The following MAGI2 variants were observed in gnomAD, a reference collection of about 807,000 sequenced individuals.
MAGI2 encodes the protein membrane-associated guanylate kinase, WW and PDZ domain-containing protein 2.
A neutral mutation model predicts 133.3 loss-of-function variants in MAGI2; 35 were observed. The observed-to-expected ratio is 0.26, with a 90% CI of 0.20 to 0.35. The LOEUF is 0.35. Ranked by LOEUF, MAGI2 falls within the 10% of genes least tolerant of loss-of-function variation. The probability of loss-of-function intolerance (pLI) is 1.00; values close to 1 mark genes in which losing one functional copy is unlikely to be tolerated. For missense variants in MAGI2, 1,636 were observed against 1,863.4 expected (o/e 0.88, Z 2.25); for synonymous variants, 729 against 710.6 (o/e 1.03, Z -0.41).
intron 1 of MAGI2, among the ~76,000 whole-genome samples, chr7:79,080,779 A>C (rs1180410696): frequency 1.3e-5 from 2 of 151,920 alleles, no homozygotes; most frequent in Non-Finnish European, 2.9e-5. Flanking sequence ...AGTCCTTTTG[A>C]TTTTCTCCTA....
chr7:78,803,147 C>G (rs1788219518), intron 2 of MAGI2, among the ~76,000 whole-genome samples: 1 of 152,018 alleles, frequency 6.6e-6, no homozygotes. Context: ...AAAATATGTT[C>G]TCCTTTTGTC....
chr7:78,320,537 A>G (rs904233053), intron 9 of MAGI2, among the ~76,000 whole-genome samples: 2 of 152,234 alleles, frequency 1.3e-5, no homozygotes, highest in Non-Finnish European at 2.9e-5. Context: ...GATTATCTCA[A>G]TAGATGCAGA....
At chr7:78,299,141 T>A (rs1797605656) in intron 9 of MAGI2, among the ~76,000 whole-genome samples, 1 of 152,144 alleles carries the variant, frequency 6.6e-6, no homozygotes, top group Non-Finnish European at 1.5e-5. Flanking sequence ...AATAAAAAGT[T>A]AATTTTTAAA....
intron 1 of MAGI2, among the ~76,000 whole-genome samples, chr7:79,436,536 G>T (rs1380041389): frequency 2.0e-5 from 3 of 152,018 alleles, no homozygotes; most frequent in South Asian, 4.2e-4. Context: ...TTAAAAACTG[G>T]GCAAAGGACA....
intron 2 of MAGI2, among the ~76,000 whole-genome samples, chr7:78,666,536 A>G (rs1490823638): frequency 6.6e-6 from 1 of 152,178 alleles, no homozygotes; most frequent in Non-Finnish European, 1.5e-5. Context: ...TAGCCATTAT[A>G]TTGGTGCTAG....
intron 1 of MAGI2, among the ~76,000 whole-genome samples, chr7:79,315,363 C>T (rs192241267): frequency 2.0e-3 from 278 of 137,770 alleles, no homozygotes; most frequent in African/African-American, 7.0e-3. Context: ...TTAGTAGAGA[C>T]GGGGTTTCAC....
chr7:79,228,370 A>AAAAAAAAAAAAAAAAAAAAAAAAAAC (rs1491129211), intron 1 of MAGI2, among the ~76,000 whole-genome samples: 3 of 147,256 alleles, frequency 2.0e-5, no homozygotes, highest in Non-Finnish European at 3.0e-5. Flanking sequence ...AAAAAAAAAA[A>AAAAAAAAAAAAAAAAAAAAAAAAAAC]GATCGTGGGA....
chr7:78,792,188 G>A (rs1787215940), intron 2 of MAGI2, among the ~76,000 whole-genome samples: 1 of 152,126 alleles, frequency 6.6e-6, no homozygotes, highest in Non-Finnish European at 1.5e-5. Flanking sequence ...CCTGCTGGCT[G>A]TGTAACTTTC....
At chr7:78,789,667 C>T (rs1325183544) in intron 2 of MAGI2, among the ~76,000 whole-genome samples, 1 of 152,076 alleles carries the variant, frequency 6.6e-6, no homozygotes, top group East Asian at 1.9e-4. Flanking sequence ...TATCTATTGC[C>T]TCAAGTATTT....
At chr7:78,451,739 G>A (rs1408554919) in intron 6 of MAGI2, among the ~76,000 whole-genome samples, 1 of 152,104 alleles carries the variant, frequency 6.6e-6, no homozygotes, top group Non-Finnish European at 1.5e-5. Flanking sequence ...AGTACTACAT[G>A]ACTGGGCACT....
chr7:78,027,646 A>G (rs1020069275), intron 21 of MAGI2, among the ~76,000 whole-genome samples: 2 of 146,560 alleles, frequency 1.4e-5, no homozygotes, highest in Non-Finnish European at 1.5e-5. Context: ...AAAAAAAAGA[A>G]AGAAAAAGAA....
chr7:78,888,005 C>T (rs942804514), intron 2 of MAGI2, among the ~76,000 whole-genome samples: 1 of 152,178 alleles, frequency 6.6e-6, no homozygotes, highest in African/African-American at 2.4e-5. Context: ...ACAGATGGCA[C>T]CTGGAAAATT....
intron 2 of MAGI2, among the ~76,000 whole-genome samples, chr7:78,892,085 G>C (rs942680567): frequency 6.6e-6 from 1 of 151,856 alleles, no homozygotes; most frequent in African/African-American, 2.4e-5. Context: ...TACACCAATA[G>C]CAGACAAACA....
intron 1 of MAGI2, among the ~76,000 whole-genome samples, chr7:79,171,770 A>ATTTTTTTTTTTTTT (rs144599296): frequency 1.9e-4 from 6 of 31,202 alleles, no homozygotes; most frequent in African/African-American, 2.6e-4. Flanking sequence ...ATATATATAT[A>ATTTTTTTTTTTTTT]TTTTTTTTTT....
chr7:78,144,162 C>G (rs1823050301), intron 16 of MAGI2, among the ~76,000 whole-genome samples: 1 of 152,106 alleles, frequency 6.6e-6, no homozygotes, highest in South Asian at 2.1e-4. Context: ...TATGTGTGAA[C>G]TTAAATAAAT....
intron 10 of MAGI2, among the ~76,000 whole-genome samples, chr7:78,223,139 G>C (rs909660291): frequency 4.6e-5 from 7 of 152,104 alleles, no homozygotes; most frequent in Non-Finnish European, 1.0e-4. Flanking sequence ...CTAGGTGTGC[G>C]GGTATCACAC....
chr7:79,383,238 C>G, intron 1 of MAGI2, among the ~76,000 whole-genome samples: 1 of 151,474 alleles, frequency 6.6e-6, no homozygotes, highest in Non-Finnish European at 1.5e-5. Context: ...CCTAGTGTTT[C>G]TCAAGAAGGA....
chr7:79,330,203 T>C (rs1839968491), intron 1 of MAGI2, among the ~76,000 whole-genome samples: 1 of 139,272 alleles, frequency 7.2e-6, no homozygotes, highest in Non-Finnish European at 1.5e-5. Flanking sequence ...TTTTTTTTTT[T>C]TTTTTTTTTA....
chr7:78,646,307 G>A lies in MAGI2; in HGVS notation c.419-19068C>T, dbSNP rs143024790. On this transcript the variant is annotated intron_variant, in intron 2 of 21. Coordinates refer to ENST00000354212, the MANE Select transcript of MAGI2 (RefSeq NM_012301.4). ...GTTTCTGGAGTCTTAAAGTATGGTTGAATATTAAGCAATCATTAAAAGAAC... is the reference window on the plus strand; with the variant it reads ...GTTTCTGGAGTCTTAAAGTATGGTTAAATATTAAGCAATCATTAAAAGAAC... Among the ~76,000 whole-genome samples the A allele has an allele frequency of 5.9e-5, 9 of 152,178 alleles. No individual in the cohort carries two copies. In the East Asian group the frequency reaches 1.7e-3, roughly 29 times the overall value.
Sources: gnomAD v4.1 joint callset for allele counts (sites outside exome capture counted in the v4.1 genomes callset) on GRCh38, gnomAD v4.1.1 for gene constraint, MANE v1.5 for transcripts, NCBI Gene and HGNC (gene_info 2026-07-23, HGNC 2026-07-21) for gene names.